The following LY6D variants were observed in gnomAD, a reference collection of about 807,000 sequenced individuals.
LY6D encodes the protein lymphocyte antigen 6D.
In LY6D, 7 loss-of-function variants were observed where a neutral mutation model predicts 5.6. The ratio of observed to expected loss-of-function variants is 1.24; its 90% confidence interval spans 0.71 to 2.34. The LOEUF (loss-of-function observed/expected upper bound fraction) is 2.34, where lower values mean the gene tolerates loss of function less well. LY6D is among the 30% of genes most tolerant of loss of function. The pLI is 0.00. For missense variants in LY6D, 148 were observed against 164.8 expected (o/e 0.90, Z 0.56); for synonymous variants, 81 against 75.0 (o/e 1.08, Z -0.41).
Position 142,785,042 on chromosome 8 carries a change from G to A in LY6D, c.*179C>T, listed in dbSNP as rs1815624874. ...TGTGGGGTGGCTTCATCCTCTGTGG[G>A]GTCTGTGGGGCCTGCTCCAAGTCAT... On this transcript the variant is annotated 3_prime_UTR_variant, in exon 3 of 3. Coordinates refer to ENST00000301263, the MANE Select transcript of LY6D (RefSeq NM_003695.3). The A allele has an allele frequency of 8.4e-6, 5 of 596,788 alleles. No homozygotes were observed. The South Asian group carries it at 1.0e-4, about 12-fold the overall frequency. The allele number at this position is 596,788 out of a possible 1,614,324, so 37.0% of individuals were successfully genotyped here.
intron 1 of LY6D, chr8:142,785,996 C>T (rs1335179963): frequency 9.3e-6 from 12 of 1,283,428 alleles, no homozygotes; most frequent in African/African-American, 1.5e-5. Context: ...GGCTCTTGTC[C>T]CCACCCCAGG....
At position 142,785,407 on chromosome 8, in the gene LY6D, G is replaced by T; in HGVS notation, c.201C>A (p.Cys67Ter). The T allele has an allele frequency of 1.2e-6, 2 of 1,613,428 alleles. No homozygotes were observed. Among genetic ancestry groups the T allele is most frequent in the South Asian group, 2.2e-5 (2 of 91,080 alleles). ...GGCCTTGCAGGGTGTAGCTGGGTGTGCACGACTCCGCACAGTCCTTCTTCA... is the reference window on the plus strand; with the variant it reads ...GGCCTTGCAGGGTGTAGCTGGGTGTTCACGACTCCGCACAGTCCTTCTTCA... ...NLVKKDCAES[C>*]TPSYTLQGQV... is the part of the protein sequence containing the mutation. Residue 67 changes from cysteine to a stop codon, truncating the protein, a stop_gained, in exon 3 of 3, where the codon TGC becomes TGA. Coordinates refer to ENST00000301263, the MANE Select transcript of LY6D (RefSeq NM_003695.3). LOFTEE classifies it low-confidence loss of function (END_TRUNC).
Position 142,785,344 on chromosome 8 carries a change from C to G in LY6D, c.264G>C (p.Gln88His), listed in dbSNP as rs759295209. 7 of 1,613,676 alleles carry G rather than the reference C, an allele frequency of 4.3e-6. No homozygotes were observed. ...SSGTSSTQCC[Q>H]EDLCNEKLHN... is the part of the protein sequence containing the mutation. ...GCAGCTTCTCATTGCACAGGTCCTCCTGGCAGCACTGGGTGGAGCTGGTGC... is the reference window on the plus strand; with the variant it reads ...GCAGCTTCTCATTGCACAGGTCCTCGTGGCAGCACTGGGTGGAGCTGGTGC... The change falls in exon 3 of 3, where the codon CAG becomes CAC. Residue 88 changes from glutamine (Q) to histidine (H), a missense_variant. Transcript: ENST00000301263.
intron 1 of LY6D, chr8:142,786,040 G>A: frequency 8.3e-7 from 1 of 1,205,310 alleles, no homozygotes; most frequent in Non-Finnish European, 1.0e-6. Flanking sequence ...ATGTTTCTGA[G>A]GGCCTGACGG....
At position 142,785,251 on chromosome 8, in the gene LY6D, G is replaced by A; in HGVS notation, c.357C>T (p.Leu119=). 1 of 1,609,002 alleles carries A rather than the reference G, an allele frequency of 6.2e-7. No individual in the cohort carries two copies. Among genetic ancestry groups the A allele is most frequent in the Non-Finnish European group, 8.5e-7 (1 of 1,176,574 alleles). ...GGCTGGGGGCTAAGATGACGGCCAG[G>A]AGGCTCAGGGCCAGCCCCAGGCTGA... ...SALSLGLALS[L]LAVILAPSL is the part of the protein sequence containing the mutation. The change falls in exon 3 of 3, where the codon CTC becomes CTT. Residue 119 remains leucine, a synonymous_variant. Transcript: ENST00000301263.
Position 142,785,130 on chromosome 8 carries a change from C to G in LY6D, c.*91G>C, listed in dbSNP as rs990990736. On this transcript the variant is annotated 3_prime_UTR_variant, in exon 3 of 3. Transcript: ENST00000301263. ...TCGGGGAAGCCCTCAGCCTGGGGCTCCTGGCACCCCCGTTGCGGCTGGGGA... is the reference window on the plus strand; with the variant it reads ...TCGGGGAAGCCCTCAGCCTGGGGCTGCTGGCACCCCCGTTGCGGCTGGGGA... 4 of 1,065,226 alleles carry G rather than the reference C, an allele frequency of 3.8e-6. No individual in the cohort carries two copies. The African/African-American group carries it at 4.8e-5, about 13-fold the overall frequency. The allele number at this position is 1,065,226 out of a possible 1,614,324, so 66.0% of individuals were successfully genotyped here. A position where few individuals can be genotyped will look rare whatever the true frequency, so the allele number is the denominator to read the frequency against.
In LY6D at chr8:142,785,123, T is replaced by G; in HGVS notation, c.*98A>C. ...CAGACTTTCGGGGAAGCCCTCAGCC[T>G]GGGGCTCCTGGCACCCCCGTTGCGG... On this transcript the variant is annotated 3_prime_UTR_variant, in exon 3 of 3. Transcript: ENST00000301263. 1 of 973,038 alleles carries G rather than the reference T, an allele frequency of 1.0e-6. No homozygotes were observed. The highest frequency in any genetic ancestry group is 1.5e-6 in the Non-Finnish European group (1 of 665,770). 60.3% of individuals were successfully genotyped at this position (973,038 alleles called of 1,614,324 possible).
chr8:142,785,384 C>T lies in LY6D; in HGVS notation c.224G>A (p.Gly75Asp), dbSNP rs1431192474. Residue 75 changes from glycine (G) to aspartate (D), a missense_variant, in exon 3 of 3, where the codon GGC becomes GAC. Transcript: ENST00000301263. The stretch of plus-strand genomic sequence containing the variant: ...GGAGCTGGTGCCGCTGCTGACCTGG[C>T]CTTGCAGGGTGTAGCTGGGTGTGCA... ...ESCTPSYTLQ[G>D]QVSSGTSSTQ... 2 of 1,613,572 alleles carry T rather than the reference C, an allele frequency of 1.2e-6. No homozygotes were observed. Among genetic ancestry groups the T allele is most frequent in the Non-Finnish European group, 1.7e-6 (2 of 1,179,960 alleles).
chr8:142,785,709 T>C (rs1337203722), intron 1 of LY6D, 22 bp from the exon 2 acceptor site: 1 of 1,612,292 alleles, frequency 6.2e-7, no homozygotes, highest in Admixed American at 1.7e-5. Flanking sequence ...GGAGTCCGGC[T>C]CAGCGGGCCC....
chr8:142,785,259 G>A lies in LY6D; in HGVS notation c.349C>T (p.Leu117=). 6.2e-7 allele frequency: 1 copy of A among 1,611,458 alleles called. No homozygotes were observed. The highest frequency in any genetic ancestry group is 8.5e-7 in the Non-Finnish European group (1 of 1,178,480). The part of the protein sequence containing the change: ...AHSALSLGLA[L]SLLAVILAPS... ...GCTAAGATGACGGCCAGGAGGCTCA[G>A]GGCCAGCCCCAGGCTGAGGGCACTG... The change falls in exon 3 of 3, where the codon CTG becomes TTG. Residue 117 remains leucine (L), a synonymous_variant. Coordinates refer to ENST00000301263, the MANE Select transcript of LY6D (RefSeq NM_003695.3).
rs370648788 is a variant in LY6D, at chr8:142,785,212, G to T, written c.*9C>A. ...GGAAAGGCATGAGGGGCCTTCCCTG[G>T]GGGGAAGGTCACAGGCTGGGGGCTA... On this transcript the variant is annotated 3_prime_UTR_variant, in exon 3 of 3. Coordinates refer to ENST00000301263, the MANE Select transcript of LY6D (RefSeq NM_003695.3). The T allele has an allele frequency of 8.2e-6, 13 of 1,586,742 alleles. No homozygotes were observed. Among genetic ancestry groups the T allele is most frequent in the East Asian group, 2.3e-5 (1 of 44,328 alleles).
Position 142,785,350 on chromosome 8 carries a change from G to A in LY6D, c.258C>T (p.Cys86=). The A allele has an allele frequency of 6.2e-7, 1 of 1,613,696 alleles. No individual in the cohort carries two copies. The highest frequency in any genetic ancestry group is 8.5e-7 in the Non-Finnish European group (1 of 1,179,938). ...QVSSGTSSTQ[C]CQEDLCNEKL... The stretch of plus-strand genomic sequence containing the variant: ...TCTCATTGCACAGGTCCTCCTGGCA[G>A]CACTGGGTGGAGCTGGTGCCGCTGC... Residue 86 remains cysteine, a synonymous_variant, in exon 3 of 3, where the codon TGC becomes TGT. Transcript: ENST00000301263.
intron 1 of LY6D, 123 bp downstream of exon 1, chr8:142,786,342 G>A (rs1051571981): frequency 7.0e-7 from 1 of 1,423,578 alleles, no homozygotes; most frequent in Non-Finnish European, 9.2e-7. Flanking sequence ...AATTTGAAGA[G>A]TCTAGCACCC....
intron 1 of LY6D, 109 bp from the exon 2 acceptor site, chr8:142,785,796 C>T: frequency 1.3e-6 from 2 of 1,501,098 alleles, no homozygotes. Context: ...GGCCCTGCTG[C>T]CCTTGCCCTA....
rs149889885 is a variant in LY6D at position 142,785,705 on chromosome 8, C to G, written c.53-18G>C. Reference sequence around the variant, plus strand: ...GGTAAGGGCTGGCGGGGAGGGAGTCCGGCTCAGCGGGCCCAACAGAGGCCT... The same window carrying G: ...GGTAAGGGCTGGCGGGGAGGGAGTCGGGCTCAGCGGGCCCAACAGAGGCCT... On this transcript the variant is annotated intron_variant, in intron 1 of 2. Coordinates refer to ENST00000301263, the MANE Select transcript of LY6D (RefSeq NM_003695.3). 6.8e-6 allele frequency: 11 copies of G among 1,612,480 alleles called. No homozygotes were observed. In the African/African-American group the frequency reaches 1.5e-4, roughly 21 times the overall value.
rs138562115 is a variant in LY6D at position 142,785,623 on chromosome 8, C to G, written c.117G>C (p.Pro39=). 1.4e-5 allele frequency: 23 copies of G among 1,613,540 alleles called. No homozygotes were observed. The highest frequency in any genetic ancestry group is 3.3e-5 in the South Asian group (3 of 91,070). Residue 39 remains proline, a synonymous_variant, in exon 2 of 3, where the codon CCG becomes CCC. Transcript: ENST00000301263. ...TGGTCTTGCAGAAGCGAGAGCTGGC[C>G]GGGCAGACCACAGAATGCTTGCAGT... ...SSNCKHSVVC[P]ASSRFCKTTN...
intron 1 of LY6D, 56 bp downstream of exon 1, chr8:142,786,409 G>A: frequency 3.3e-6 from 5 of 1,511,598 alleles, no homozygotes; most frequent in Non-Finnish European, 2.7e-6. Context: ...CTAGTATTTG[G>A]TGACCACACA....
intron 1 of LY6D, 83 bp from the exon 2 acceptor site, chr8:142,785,770 ACCCCTCCTGGACAGAGG>A: frequency 1.3e-6 from 2 of 1,566,556 alleles, no homozygotes; most frequent in Non-Finnish European, 1.7e-6. Context: ...ACCTGCAGAG[ACCCCTCCTGGACAGAGG>A]CCCTGCTGCC....
Position 142,785,245 on chromosome 8 carries a change from G to A in LY6D, c.363C>T (p.Ala121=), listed in dbSNP as rs768544759. The change falls in exon 3 of 3, where the codon GCC becomes GCT. Residue 121 remains alanine, a synonymous_variant. Coordinates refer to ENST00000301263, the MANE Select transcript of LY6D (RefSeq NM_003695.3). ...LSLGLALSLL[A]VILAPSL ...GTCACAGGCTGGGGGCTAAGATGAC[G>A]GCCAGGAGGCTCAGGGCCAGCCCCA... The A allele has an allele frequency of 1.1e-5, 18 of 1,608,162 alleles. No individual in the cohort carries two copies. Among genetic ancestry groups the A allele is most frequent in the Admixed American group, 5.0e-5 (3 of 59,888 alleles).
Sources: gnomAD v4.1 joint callset for allele counts on GRCh38, gnomAD v4.1.1 for gene constraint, MANE v1.5 for transcripts, NCBI Gene and HGNC (gene_info 2026-07-23, HGNC 2026-07-21) for gene names.